The following PTCHD4 variants were observed in gnomAD, a reference collection of about 807,000 sequenced individuals.
The protein encoded by PTCHD4 is patched domain containing 4.
In PTCHD4, 33 loss-of-function variants were observed where a neutral mutation model predicts 58.1. The observed-to-expected ratio is 0.57, with a 90% CI of 0.43 to 0.76. PTCHD4 has a LOEUF of 0.76. Among genes scored for constraint, PTCHD4 ranks in the 30% least tolerant of loss-of-function variants. The pLI is 0.00. For missense variants in PTCHD4, 1,058 were observed against 1,027.1 expected (o/e 1.03, Z -0.41); for synonymous variants, 478 against 409.6 (o/e 1.17, Z -2.02).
chr6:47,906,055 GA>G (rs1183044172), intron 4 of PTCHD4, among the ~76,000 whole-genome samples: 2 of 152,320 alleles, frequency 1.3e-5, no homozygotes, highest in South Asian at 4.1e-4. Context: ...CCAAGAATAA[GA>G]AATGAAGATT....
At chr6:48,011,334 G>C (rs150907577) in intron 3 of PTCHD4, among the ~76,000 whole-genome samples, 88 of 152,284 alleles carry the variant, frequency 5.8e-4, no homozygotes, top group African/African-American at 2.0e-3. Context: ...GAGCAGTGAT[G>C]ATGAGGTTTT....
chr6:48,043,047 A>G (rs1370984590), intron 3 of PTCHD4, among the ~76,000 whole-genome samples: 2 of 151,958 alleles, frequency 1.3e-5, no homozygotes, highest in Non-Finnish European at 2.9e-5. Flanking sequence ...ACAGAGAGAC[A>G]GTATCGGTGA....
intron 3 of PTCHD4, among the ~76,000 whole-genome samples, chr6:48,020,751 G>C (rs746368608): frequency 6.6e-6 from 1 of 152,040 alleles, no homozygotes; most frequent in Non-Finnish European, 1.5e-5. Context: ...GTGAAGATAC[G>C]TGCTGGGGCT....
In PTCHD4 at chr6:47,892,648, T is replaced by C. The variant is rs554691803; in HGVS notation, c.899-12712A>G. Among the ~76,000 whole-genome samples, 17 of 152,368 alleles carry C rather than the reference T, an allele frequency of 1.1e-4. No homozygotes were observed. In the East Asian group the frequency reaches 3.1e-3, roughly 28 times the overall value. On this transcript the variant is annotated intron_variant, in intron 4 of 4. Coordinates refer to ENST00000339488, the MANE Select transcript of PTCHD4 (RefSeq NM_001384253.1). ...TGATTCAATCATTAGGATGTATTTA[T>C]GAAATGGAAGGACTCTTACTTTGCA...
At position 48,070,852 on chromosome 6, in the gene PTCHD4, C is replaced by T. The variant is rs530950363; in HGVS notation, c.-969-926G>A. Reference sequence around the variant, plus strand: ...ACATGATGGGAAAGTTTTGGCTATACAGCAGAGAGGAAATGTATCTATCGT... The same window carrying T: ...ACATGATGGGAAAGTTTTGGCTATATAGCAGAGAGGAAATGTATCTATCGT... On this transcript the variant is annotated intron_variant, in intron 1 of 4. Coordinates refer to ENST00000339488, the MANE Select transcript of PTCHD4 (RefSeq NM_001384253.1). Among the ~76,000 whole-genome samples, 8 of 152,306 alleles carry T rather than the reference C, an allele frequency of 5.3e-5. No homozygotes were observed. In the South Asian group the frequency reaches 1.5e-3, roughly 28 times the overall value.
intron 1 of PTCHD4, among the ~76,000 whole-genome samples, chr6:48,103,517 A>C (rs1765652788): frequency 6.6e-6 from 1 of 152,154 alleles, no homozygotes; most frequent in Non-Finnish European, 1.5e-5. Flanking sequence ...CAGCAGAAAA[A>C]CCAGAAACTC....
chr6:48,100,339 C>A (rs541873802), intron 1 of PTCHD4, among the ~76,000 whole-genome samples: 3 of 152,076 alleles, frequency 2.0e-5, no homozygotes, highest in Non-Finnish European at 4.4e-5. Flanking sequence ...AAGATTGACC[C>A]AGAATCAATG....
intron 3 of PTCHD4, among the ~76,000 whole-genome samples, chr6:48,020,576 G>T (rs559685386): frequency 6.6e-6 from 1 of 152,022 alleles, no homozygotes; most frequent in Non-Finnish European, 1.5e-5. Context: ...CTGGGAAAGT[G>T]CATTGCTATC....
At chr6:48,015,261 T>C (rs1762829671) in intron 3 of PTCHD4, among the ~76,000 whole-genome samples, 1 of 151,976 alleles carries the variant, frequency 6.6e-6, no homozygotes, top group Non-Finnish European at 1.5e-5. Flanking sequence ...TACACTGTTG[T>C]TCTTCAATCT....
At chr6:47,977,182 T>C (rs1250343861) in intron 4 of PTCHD4, among the ~76,000 whole-genome samples, 2 of 152,118 alleles carry the variant, frequency 1.3e-5, no homozygotes, top group African/African-American at 4.8e-5. Flanking sequence ...GAGCAGGCTT[T>C]CAAGGTGACT....
In PTCHD4 at chr6:47,868,120, G is replaced by T. The variant is rs1392275063; in HGVS notation, c.*10183C>A. On this transcript the variant is annotated 3_prime_UTR_variant, in exon 5 of 5. Transcript: ENST00000339488. ...TGAACAGAAACTAAATAAAAAAAAG[G>T]TTTCAGTTCAGTTGTTTAGTCCCTT... Among the ~76,000 whole-genome samples the T allele has an allele frequency of 1.3e-5, 2 of 151,506 alleles. No individual in the cohort carries two copies. Among genetic ancestry groups the T allele is most frequent in the South Asian group, 2.1e-4 (1 of 4,820 alleles).
At chr6:48,107,269 C>G (rs1765751509) in intron 1 of PTCHD4, among the ~76,000 whole-genome samples, 1 of 152,104 alleles carries the variant, frequency 6.6e-6, no homozygotes, top group Admixed American at 6.5e-5. Context: ...ACCAATGGAA[C>G]AGAACAGAGC....
chr6:47,877,310 C>T lies in PTCHD4; in HGVS notation c.*993G>A, dbSNP rs567800211. 6.6e-6 allele frequency among the ~76,000 whole-genome samples: 1 copy of T among 152,150 alleles called. No homozygotes were observed. The highest frequency in any genetic ancestry group is 1.9e-4 in the East Asian group (1 of 5,148). On this transcript the variant is annotated 3_prime_UTR_variant, in exon 5 of 5. Coordinates refer to ENST00000339488, the MANE Select transcript of PTCHD4 (RefSeq NM_001384253.1). ...CCCAACTCACATACACATACTTGTG[C>T]ACCCTTAGACTCATGTATGGATAAT...
intron 4 of PTCHD4, among the ~76,000 whole-genome samples, chr6:48,003,749 C>T (rs1768831614): frequency 6.6e-6 from 1 of 152,168 alleles, no homozygotes; most frequent in Admixed American, 6.6e-5. Flanking sequence ...TGACCTGACC[C>T]AATACTACCT....
Position 48,068,455 on chromosome 6 carries a change from C to T in PTCHD4, c.192G>A (p.Glu64=). 1 of 1,613,744 alleles carries T rather than the reference C, an allele frequency of 6.2e-7. No individual in the cohort carries two copies. The highest frequency in any genetic ancestry group is 1.1e-5 in the South Asian group (1 of 91,068). ...GAGCGACCAGGCGCTCCAGGTCGCC[C>T]TCGGGCTGGAAGCGGTTGAGCGCGC... ...GLSALNRFQP[E]GDLERLVAPS... The change falls in exon 3 of 5, where the codon GAG becomes GAA. Residue 64 remains glutamate, a synonymous_variant. Coordinates refer to ENST00000339488, the MANE Select transcript of PTCHD4 (RefSeq NM_001384253.1). The surrounding 1 kb of genome is among the most constrained non-coding windows in gnomAD (Gnocchi z 4.2).
rs1391375841 is a variant in PTCHD4, at chr6:47,867,822, G to T, written c.*10481C>A. Among the ~76,000 whole-genome samples, 1 of 151,678 alleles carries T rather than the reference G, an allele frequency of 6.6e-6. No homozygotes were observed. Among genetic ancestry groups the T allele is most frequent in the African/African-American group, 2.4e-5 (1 of 41,350 alleles). On this transcript the variant is annotated 3_prime_UTR_variant, in exon 5 of 5. Transcript: ENST00000339488. ...CAGATCATGCATACCTCAAAGTCAG[G>T]AACTATGAATAGTTTAGTGGTATTT... is the stretch of plus-strand genomic sequence containing the variant.
intron 1 of PTCHD4, among the ~76,000 whole-genome samples, chr6:48,070,371 G>C (rs147552235): frequency 6.6e-6 from 1 of 152,002 alleles, no homozygotes; most frequent in African/African-American, 2.4e-5. Context: ...CAAGCTAAAG[G>C]ACTCCTTGTC....
chr6:47,857,932 C>A lies in PTCHD4; in HGVS notation c.*20371G>T, dbSNP rs552718389. Among the ~76,000 whole-genome samples the A allele has an allele frequency of 6.6e-6, 1 of 151,944 alleles. No homozygotes were observed. The highest frequency in any genetic ancestry group is 6.6e-5 in the Admixed American group (1 of 15,246). ...TTCTATATCAAGGTACACATATGTA[C>A]CTTGAAGACTAACAATAACATGTTT... On this transcript the variant is annotated 3_prime_UTR_variant, in exon 5 of 5. Transcript: ENST00000339488.
chr6:48,026,928 T>TTC (rs397944955), intron 3 of PTCHD4, among the ~76,000 whole-genome samples: 1 of 151,582 alleles, frequency 6.6e-6, no homozygotes, highest in East Asian at 1.9e-4. Flanking sequence ...TTTTTTTTTT[T>TTC]GGTAAGAAAT....
Sources: allele counts gnomAD v4.1 joint callset (sites outside exome capture counted in the v4.1 genomes callset), GRCh38; gene constraint gnomAD v4.1.1; non-coding constraint Gnocchi (gnomAD v3.1); transcripts MANE v1.5; gene names NCBI Gene and HGNC (gene_info 2026-07-23, HGNC 2026-07-21).